The following SMIM14 variants were observed in gnomAD, a reference collection of about 807,000 sequenced individuals.
SMIM14 encodes small integral membrane protein 14.
A neutral mutation model predicts 12.6 loss-of-function variants in SMIM14; 5 were observed. That is an observed-to-expected ratio of 0.40 (90% CI 0.21 to 0.83). The LOEUF (loss-of-function observed/expected upper bound fraction) is 0.83. SMIM14 is among the 40% of genes least tolerant of loss of function. The probability of loss-of-function intolerance (pLI) is 0.37; values close to 1 mark genes in which losing one functional copy is unlikely to be tolerated. For synonymous variants in SMIM14, 30 were observed against 40.1 expected, an observed-to-expected ratio of 0.75 and a Z score of 0.95; for missense variants, 86 against 119.1, an observed-to-expected ratio of 0.72 and a Z score of 1.29.
chr4:39,571,509 G>A lies in SMIM14; in HGVS notation c.124+906C>T, dbSNP rs144289014. On this transcript the variant is annotated intron_variant, in intron 3 of 4. Coordinates refer to ENST00000295958, the MANE Select transcript of SMIM14 (RefSeq NM_174921.3). ...GTGGGAGGATCACTTGAGCCTGGGAGGTCAAGGCTGCAGTGAGCCATGATC... is the reference window on the plus strand; with the variant it reads ...GTGGGAGGATCACTTGAGCCTGGGAAGTCAAGGCTGCAGTGAGCCATGATC... Among the ~76,000 whole-genome samples, 456 of 152,084 alleles carry A rather than the reference G, an allele frequency of 3.0e-3. 4 individuals carry two copies. The highest frequency in any genetic ancestry group is 0.01 in the African/African-American group (430 of 41,490).
rs1346928070 is a variant in SMIM14, at chr4:39,558,835, T to C, written c.125-2265A>G. Among the ~76,000 whole-genome samples the C allele has an allele frequency of 6.6e-6, 1 of 152,026 alleles. No homozygotes were observed. Among genetic ancestry groups the C allele is most frequent in the Non-Finnish European group, 1.5e-5 (1 of 67,994 alleles). ...GCAATTCTCCTGTCTCAGTCTCCCC[T>C]GTAGCTGGGATTACAGGCACATGCC... On this transcript the variant is annotated intron_variant, in intron 3 of 4. Transcript: ENST00000295958. This position sits in a 1 kb window ranked among gnomAD's most constrained non-coding sequence, Gnocchi z 4.3.
chr4:39,634,170 A>C (rs1231818400), intron 1 of SMIM14, among the ~76,000 whole-genome samples: 1 of 152,124 alleles, frequency 6.6e-6, no homozygotes, highest in Non-Finnish European at 1.5e-5. Flanking sequence ...CTCGTGATCC[A>C]CCGGCCTCGG....
chr4:39,577,277 A>G (rs1713253138), intron 2 of SMIM14, among the ~76,000 whole-genome samples: 1 of 152,084 alleles, frequency 6.6e-6, no homozygotes, highest in Non-Finnish European at 1.5e-5. Flanking sequence ...TGGTAATTAG[A>G]GAAATTATGC....
chr4:39,613,988 TGA>T (rs1175857122), intron 1 of SMIM14, among the ~76,000 whole-genome samples: 2 of 151,990 alleles, frequency 1.3e-5, no homozygotes, highest in African/African-American at 2.4e-5. Context: ...GTTAGGAGTT[TGA>T]GACCAGTGTG....
intron 2 of SMIM14, among the ~76,000 whole-genome samples, chr4:39,579,005 A>G (rs1713353773): frequency 6.6e-6 from 1 of 151,842 alleles, no homozygotes; most frequent in African/African-American, 2.4e-5. Flanking sequence ...AAAAAAAAAA[A>G]AAAGCAGAGA....
rs1222275763 is a variant in SMIM14 at position 39,548,343 on chromosome 4, ACT to A, written c.*3781_*3782del. 1.3e-5 allele frequency: 2 copies of A among 151,938 alleles called. No individual in the cohort carries two copies. The highest frequency in any genetic ancestry group is 6.6e-5 in the Admixed American group (1 of 15,240). 9.4% of individuals were successfully genotyped at this position (151,938 alleles called of 1,614,324 possible). A position where few individuals can be genotyped will look rare whatever the true frequency, so the allele number is the denominator to read the frequency against. The stretch of plus-strand genomic sequence containing the variant: ...ATTGTGCATAAAAACACATTAAATG[ACT>A]CTAAAACAAAATAAACTTTTTTTTT... On this transcript the variant is annotated 3_prime_UTR_variant, in exon 5 of 5. Transcript: ENST00000295958.
chr4:39,600,678 G>A (rs1019720838), intron 2 of SMIM14, among the ~76,000 whole-genome samples: 5 of 151,276 alleles, frequency 3.3e-5, no homozygotes, highest in African/African-American at 4.9e-5. Context: ...CAACAAGAGC[G>A]AAACTCCATC....
chr4:39,622,264 A>C (rs1283887875), intron 1 of SMIM14, among the ~76,000 whole-genome samples: 1 of 151,432 alleles, frequency 6.6e-6, no homozygotes, highest in Non-Finnish European at 1.5e-5. Context: ...TTGTATTTTT[A>C]GTAGAGACGG....
Position 39,604,010 on chromosome 4 carries a change from C to CAAA in SMIM14, c.75+1058_75+1060dup, listed in dbSNP as rs755443266. ...TGGGTGGCAGAGTGAGACACTGTCT[C>CAAA]AAAAAAAAAAAAAAAAGAAATGCTT... is the stretch of plus-strand genomic sequence containing the variant. On this transcript the variant is annotated intron_variant, in intron 2 of 4. Transcript: ENST00000295958. Among the ~76,000 whole-genome samples, 23 of 82,292 alleles carry CAAA rather than the reference C, an allele frequency of 2.8e-4. No homozygotes were observed. The South Asian group carries it at 4.1e-3, about 15-fold the overall frequency. The allele number at this position is 82,292 out of a possible 152,430, so 54.0% of individuals were successfully genotyped here.
At chr4:39,621,449 A>T (rs1321337254) in intron 1 of SMIM14, among the ~76,000 whole-genome samples, 2 of 152,184 alleles carry the variant, frequency 1.3e-5, no homozygotes, top group East Asian at 3.8e-4. Flanking sequence ...TTGAAATTAC[A>T]AACTATGATA....
Position 39,568,067 on chromosome 4 carries a change from C to A in SMIM14, c.124+4348G>T, listed in dbSNP as rs184458368. ...CGGAGGTGGGTGGATCACTTGAGGTCAGGAGTTTGAGATCAGCCTGGCCAA... is the reference window on the plus strand; with the variant it reads ...CGGAGGTGGGTGGATCACTTGAGGTAAGGAGTTTGAGATCAGCCTGGCCAA... On this transcript the variant is annotated intron_variant, in intron 3 of 4. Transcript: ENST00000295958. Among the ~76,000 whole-genome samples, 434 of 152,202 alleles carry A rather than the reference C, an allele frequency of 2.9e-3. 4 individuals carry two copies. The highest frequency in any genetic ancestry group is 9.9e-3 in the African/African-American group (413 of 41,532).
chr4:39,637,697 G>C (rs1014748537), intron 1 of SMIM14, among the ~76,000 whole-genome samples: 5 of 152,106 alleles, frequency 3.3e-5, no homozygotes, highest in African/African-American at 1.2e-4. Context: ...CTACACTAAA[G>C]GAATCTGCGC....
chr4:39,554,459 T>C (rs1215617695), intron 4 of SMIM14, among the ~76,000 whole-genome samples: 1 of 152,016 alleles, frequency 6.6e-6, no homozygotes, highest in African/African-American at 2.4e-5. Flanking sequence ...AATCCAAAAA[T>C]TAGCCAGATG....
chr4:39,605,297 G>A, intron 1 of SMIM14, 117 bp from the exon 2 acceptor site: 3 of 533,506 alleles, frequency 5.6e-6, no homozygotes, highest in Non-Finnish European at 9.7e-6. Flanking sequence ...TGTATAGTTT[G>A]TATTTATTGA....
rs1711692260 is a variant in SMIM14 at position 39,551,325 on chromosome 4, G to C, written c.*801C>G. 6.6e-6 allele frequency: 1 copy of C among 152,564 alleles called. No homozygotes were observed. The highest frequency in any genetic ancestry group is 1.5e-5 in the Non-Finnish European group (1 of 68,026). The allele number at this position is 152,564 out of a possible 1,614,324, so 9.5% of individuals were successfully genotyped here. A position where few individuals can be genotyped will look rare whatever the true frequency, so the allele number is the denominator to read the frequency against. ...TTACTATGTGGATTATATCAGCAAA[G>C]GCAGAAAGAATTAATGTTTTCCTCC... On this transcript the variant is annotated 3_prime_UTR_variant, in exon 5 of 5. Transcript: ENST00000295958.
At chr4:39,554,746 T>C (rs1342899470) in intron 4 of SMIM14, among the ~76,000 whole-genome samples, 1 of 150,994 alleles carries the variant, frequency 6.6e-6, no homozygotes, top group East Asian at 1.9e-4. Flanking sequence ...ATAAAAATTG[T>C]ATATATTTGT....
At chr4:39,606,591 A>G (rs1170757472) in intron 1 of SMIM14, among the ~76,000 whole-genome samples, 1 of 149,240 alleles carries the variant, frequency 6.7e-6, no homozygotes, top group East Asian at 2.0e-4. Context: ...CAGTGAGCCA[A>G]GATCGCGCCA....
intron 4 of SMIM14, among the ~76,000 whole-genome samples, chr4:39,553,363 C>T (rs1224869008): frequency 6.6e-6 from 1 of 150,994 alleles, no homozygotes; most frequent in Non-Finnish European, 1.5e-5. Context: ...GTGCCCAGCC[C>T]ACTGTAATGA....
At chr4:39,635,470 A>T (rs1438405835) in intron 1 of SMIM14, among the ~76,000 whole-genome samples, 2 of 152,188 alleles carry the variant, frequency 1.3e-5, no homozygotes, top group Non-Finnish European at 2.9e-5. Flanking sequence ...TAAAAAGCCA[A>T]AGTGGAAGCA....
Sources: allele counts gnomAD v4.1 joint callset (sites outside exome capture counted in the v4.1 genomes callset), GRCh38; gene constraint gnomAD v4.1.1; non-coding constraint Gnocchi (gnomAD v3.1); transcripts MANE v1.5; gene names NCBI Gene and HGNC (gene_info 2026-07-23, HGNC 2026-07-21).